Variants in TAMM41 observed in about 807,000 individuals in gnomAD.
TAMM41 encodes TAM41 mitochondrial translocator assembly and maintenance homolog, also known as phosphatidate cytidylyltransferase, mitochondrial.
In TAMM41, 36 loss-of-function variants were observed where a neutral mutation model predicts 44.1. The ratio of observed to expected loss-of-function variants is 0.82; its 90% CI spans 0.63 to 1.08. The LOEUF is 1.08. Among genes scored for constraint, TAMM41 ranks in the 50% least tolerant of loss-of-function variants. The pLI is 0.00. For missense variants in TAMM41, 417 were observed against 404.3 expected, an observed-to-expected ratio of 1.03 and a Z score of -0.27; for synonymous variants, 164 against 153.1, an observed-to-expected ratio of 1.07 and a Z score of -0.53.
intron 5 of TAMM41, among the ~76,000 whole-genome samples, chr3:11,813,872 ATG>A (rs2078175685): frequency 7.0e-6 from 1 of 142,722 alleles, no homozygotes; most frequent in Non-Finnish European, 1.5e-5. Context: ...ATGTATATAT[ATG>A]TATATATGTA....
At chr3:11,740,091 A>G in the TAMM41 span, among the ~76,000 whole-genome samples, 11 of 135,914 alleles carry the variant, frequency 8.1e-5, no homozygotes, top group Admixed American at 6.6e-4. Context: ...ACAAAACAAA[A>G]CAAAAAAAAC....
At chr3:11,827,238 T>C (rs1201950792) in intron 4 of TAMM41, among the ~76,000 whole-genome samples, 3 of 152,150 alleles carry the variant, frequency 2.0e-5, no homozygotes, top group African/African-American at 4.8e-5. Context: ...TGGTGCTCCT[T>C]TCCTGTTCAT....
chr3:11,805,052 C>G (rs1334311473), intron 7 of TAMM41, among the ~76,000 whole-genome samples: 1 of 145,018 alleles, frequency 6.9e-6, no homozygotes, highest in Non-Finnish European at 1.5e-5. Context: ...TCGCCCAGGC[C>G]AGAGGCAGTG....
chr3:11,808,796 G>T, intron 6 of TAMM41: 1 of 186,708 alleles, frequency 5.4e-6, no homozygotes, highest in Non-Finnish European at 1.0e-5. Flanking sequence ...TGCGATCCTA[G>T]CTCATTGCAG....
At chr3:11,829,621 T>C (rs1447191791) in intron 4 of TAMM41, 93 bp downstream of exon 4, 4 of 1,425,076 alleles carry the variant, frequency 2.8e-6, no homozygotes, top group East Asian at 2.3e-5. Flanking sequence ...ACTAAGACTG[T>C]AGCAGCTCCA....
At chr3:11,764,483 A>ATTTTTTTTTTTTTT in the TAMM41 span, among the ~76,000 whole-genome samples, 5 of 86,376 alleles carry the variant, frequency 5.8e-5, no homozygotes, top group African/African-American at 2.6e-4. Context: ...CCATAATCTT[A>ATTTTTTTTTTTTTT]TTCTTTTTTT....
chr3:11,789,521 G>A (rs541496948), downstream of TAMM41, among the ~76,000 whole-genome samples: 1 of 152,292 alleles, frequency 6.6e-6, no homozygotes, highest in East Asian at 1.9e-4. Context: ...CCATTTAAGT[G>A]TCTACTCCTT....
the TAMM41 span, among the ~76,000 whole-genome samples, chr3:11,760,542 T>TTTTTG: frequency 0.019 from 2,860 of 150,852 alleles, 82 homozygotes; most frequent in African/African-American, 0.06. Flanking sequence ...TAAGTACAAT[T>TTTTTG]TTTTGTTTTG....
Position 11,844,115 on chromosome 3 carries a change from CTT to C in TAMM41, c.230_231del (p.Lys77SerfsTer13), listed in dbSNP as rs1559334438. ...GACGTGATAATCTTGGGCCCTAAAA[CTT>C]TTAGGAAAGAGTAGTGACTCCAATT... is the stretch of plus-strand genomic sequence containing the variant. ...KKNWSHYSFL[K>X]VLGPKIITSI... On this transcript the variant is annotated frameshift_variant, in exon 2 of 8. Coordinates refer to ENST00000455809, the MANE Select transcript of TAMM41 (RefSeq NM_001284401.2). LOFTEE classifies it high-confidence loss of function. 3.7e-6 allele frequency: 6 copies of C among 1,614,218 alleles called. No homozygotes were observed. Among genetic ancestry groups the C allele is most frequent in the Non-Finnish European group, 4.2e-6 (5 of 1,180,028 alleles).
In TAMM41 at chr3:11,829,754, T is replaced by C; in HGVS notation, c.522A>G (p.Glu174=). 6.2e-7 allele frequency: 1 copy of C among 1,614,194 alleles called. No individual in the cohort carries two copies. The highest frequency in any genetic ancestry group is 8.5e-7 in the Non-Finnish European group (1 of 1,180,026). ...CGGCAATCTCTATGAAGAGGTCTTC[T>C]TCAGAAAAGCTTTCGGGGAGCATGA... ...AFLMLPESFS[E]EDLFIEIAGL... The change falls in exon 4 of 8, where the codon GAA becomes GAG. Residue 174 remains glutamate, a synonymous_variant. Coordinates refer to ENST00000455809, the MANE Select transcript of TAMM41 (RefSeq NM_001284401.2).
chr3:11,841,917 C>G (rs745727453), intron 2 of TAMM41, among the ~76,000 whole-genome samples: 3 of 152,170 alleles, frequency 2.0e-5, no homozygotes, highest in Non-Finnish European at 4.4e-5. Flanking sequence ...ACAGGTGAAG[C>G]AAGGTTGGAT....
chr3:11,798,069 C>T (rs1397367494), intron 7 of TAMM41, among the ~76,000 whole-genome samples: 3 of 152,108 alleles, frequency 2.0e-5, no homozygotes, highest in Non-Finnish European at 2.9e-5. Flanking sequence ...TTAGTTCAAC[C>T]ACTGTGGAAG....
the TAMM41 span, among the ~76,000 whole-genome samples, chr3:11,757,881 T>A: frequency 5.3e-5 from 8 of 152,168 alleles, no homozygotes; most frequent in African/African-American, 1.7e-4. Context: ...CGTTGGTGAA[T>A]GAGAATAGCA....
intron 3 of TAMM41, among the ~76,000 whole-genome samples, chr3:11,837,042 CT>C (rs1235960388): frequency 1.3e-5 from 2 of 152,194 alleles, no homozygotes; most frequent in Non-Finnish European, 2.9e-5. Flanking sequence ...TGTGTAACCC[CT>C]GCCCGGATCG....
chr3:11,722,679 A>G, the TAMM41 span, among the ~76,000 whole-genome samples: 1 of 151,386 alleles, frequency 6.6e-6, no homozygotes, highest in Non-Finnish European at 1.5e-5. Flanking sequence ...TAAAAATACA[A>G]AAAAAAAATG....
Position 11,839,327 on chromosome 3 carries a change from A to T in TAMM41, c.319-13T>A, listed in dbSNP as rs751972820. ...CATATTTGATAAGCTGAAGGAAAAA[A>T]GAAATGGCACAAAACGGAGTAAAAT... On this transcript the variant is annotated splice_polypyrimidine_tract_variant and intron_variant, in intron 2 of 7. Transcript: ENST00000455809. The T allele has an allele frequency of 7.7e-6, 12 of 1,552,616 alleles. No individual in the cohort carries two copies. The African/African-American group carries it at 1.5e-4, about 19-fold the overall frequency.
chr3:11,736,409 G>A, the TAMM41 span, among the ~76,000 whole-genome samples: 3 of 152,170 alleles, frequency 2.0e-5, no homozygotes, highest in African/African-American at 7.2e-5. Flanking sequence ...TCTGTTTTCT[G>A]AATTTCAATT....
At chr3:11,749,196 A>G in the TAMM41 span, among the ~76,000 whole-genome samples, 6 of 152,178 alleles carry the variant, frequency 3.9e-5, no homozygotes, top group African/African-American at 1.2e-4. Flanking sequence ...TACAGGCATG[A>G]GCCACTGCGC....
chr3:11,740,482 C>A, the TAMM41 span, among the ~76,000 whole-genome samples: 1 of 152,172 alleles, frequency 6.6e-6, no homozygotes, highest in African/African-American at 2.4e-5. Context: ...TGGTTTTCCC[C>A]AGTTTTACTT....
Sources: allele counts gnomAD v4.1 joint callset (sites outside exome capture counted in the v4.1 genomes callset), GRCh38; gene constraint gnomAD v4.1.1; transcripts MANE v1.5; gene names NCBI Gene and HGNC (gene_info 2026-07-23, HGNC 2026-07-21).